Variants in SASS6 observed in about 807,000 individuals in gnomAD.
SASS6 encodes spindle assembly abnormal protein 6 homolog.
In SASS6, 59 loss-of-function variants were observed where a neutral mutation model predicts 94.9. That is an observed-to-expected ratio of 0.62 (90% confidence interval 0.50 to 0.77). The LOEUF (loss-of-function observed/expected upper bound fraction) is 0.77. Ranked by LOEUF, SASS6 falls within the 30% of genes least tolerant of loss-of-function variation. The probability of loss-of-function intolerance (pLI) is 0.00; values close to 1 mark genes in which losing one functional copy is unlikely to be tolerated. For missense variants in SASS6, 698 were observed against 734.1 expected (o/e 0.95, Z 0.57); for synonymous variants, 264 against 270.0 (o/e 0.98, Z 0.22).
At chr1:100,088,872 T>C (rs1040166709) in intron 14 of SASS6, among the ~76,000 whole-genome samples, 1 of 143,998 alleles carries the variant, frequency 6.9e-6, no homozygotes, top group Admixed American at 6.9e-5. Context: ...TTTAAAGAAA[T>C]ATAAAATCCA....
At chr1:100,099,769 A>G (rs1055492203) in intron 14 of SASS6, among the ~76,000 whole-genome samples, 1 of 152,078 alleles carries the variant, frequency 6.6e-6, no homozygotes, top group Non-Finnish European at 1.5e-5. Context: ...CCACTCCACT[A>G]CTATTTTGTA....
intron 14 of SASS6, among the ~76,000 whole-genome samples, 178 bp from the exon 15 acceptor site, chr1:100,088,414 C>G (rs1414935075): frequency 6.6e-6 from 1 of 152,140 alleles, no homozygotes; most frequent in African/African-American, 2.4e-5. Flanking sequence ...CCTCATCCTT[C>G]CAACTAGCTG....
chr1:100,121,012 T>C (rs1172663267), intron 5 of SASS6, among the ~76,000 whole-genome samples: 2 of 139,268 alleles, frequency 1.4e-5, no homozygotes, highest in Non-Finnish European at 3.0e-5. Context: ...ATCCCGCCAC[T>C]GCACTCCAGC....
In SASS6 at chr1:100,085,536, C is replaced by T. The variant is rs1453741175; in HGVS notation, c.1867G>A (p.Asp623Asn). Residue 623 changes from aspartate to asparagine, a missense_variant and splice_region_variant, in exon 16 of 17, where the codon GAC becomes AAC. Transcript: ENST00000287482. ...CAAAAATCCAGAAATCCCTGCTTAC[C>T]TGAATTACTAAATAGGTTCTGGCTG... ...GLSQNLFSNS[D>N]HQRDGTLGAL... The T allele has an allele frequency of 6.2e-7, 1 of 1,608,460 alleles. No individual in the cohort carries two copies. Among genetic ancestry groups the T allele is most frequent in the East Asian group, 2.2e-5 (1 of 44,830 alleles).
intron 5 of SASS6, 151 bp from the exon 6 acceptor site, chr1:100,120,610 C>A (rs1013423995): frequency 1.3e-5 from 7 of 556,504 alleles, no homozygotes; most frequent in Non-Finnish European, 2.2e-5. Context: ...TAACAAGATC[C>A]CCAGATAATT....
rs55863167 is a variant in SASS6, at chr1:100,132,883, G to A, written c.-69C>T. On this transcript the variant is annotated 5_prime_UTR_variant, in exon 1 of 17. Transcript: ENST00000287482. ...CCCGGCCCTCGGGATTAGCCTGAGA[G>A]GTCCGGGTCCTGATAAAGTTTGAGT... 3 of 1,405,294 alleles carry A rather than the reference G, an allele frequency of 2.1e-6. No homozygotes were observed. Among genetic ancestry groups the A allele is most frequent in the African/African-American group, 2.8e-5 (2 of 70,184 alleles). The allele number at this position is 1,405,294 out of a possible 1,614,324, so 87.1% of individuals were successfully genotyped here.
At chr1:100,130,689 G>GAA (rs369101016) in intron 1 of SASS6, among the ~76,000 whole-genome samples, 6,616 of 135,048 alleles carry the variant, frequency 0.049, 217 homozygotes, top group African/African-American at 0.071. Context: ...ACTCTGTCTA[G>GAA]AAAAAAAAAA....
chr1:100,107,290 G>A (rs894253305), intron 11 of SASS6, 84 bp downstream of exon 11: 4 of 806,046 alleles, frequency 5.0e-6, no homozygotes, highest in Non-Finnish European at 8.0e-6. Context: ...CAAGACCAAA[G>A]CCATTTGTTA....
At chr1:100,102,907 T>C (rs1283678807) in intron 14 of SASS6, 48 bp downstream of exon 14, 1 of 1,436,026 alleles carries the variant, frequency 7.0e-7, no homozygotes, top group African/African-American at 1.4e-5. Context: ...TGTATGCTAA[T>C]AGGTTGCTAT....
At chr1:100,128,992 A>G (rs745643146) in intron 1 of SASS6, among the ~76,000 whole-genome samples, 2 of 152,188 alleles carry the variant, frequency 1.3e-5, no homozygotes, top group Admixed American at 1.3e-4. Flanking sequence ...TAATCCCAGC[A>G]CTTTGGGAGG....
At chr1:100,120,321 G>A (rs1654083819) in intron 6 of SASS6, 73 bp downstream of exon 6, 2 of 727,482 alleles carry the variant, frequency 2.7e-6, no homozygotes, top group Non-Finnish European at 2.5e-6. Context: ...ATAAAAGCTT[G>A]GAACTGAGTC....
intron 1 of SASS6, among the ~76,000 whole-genome samples, chr1:100,131,663 T>C (rs1655041135): frequency 6.6e-6 from 1 of 152,206 alleles, no homozygotes; most frequent in Non-Finnish European, 1.5e-5. Flanking sequence ...GATCTCCATA[T>C]GCAGCTGCTG....
intron 1 of SASS6, among the ~76,000 whole-genome samples, chr1:100,130,649 A>T (rs1310765098): frequency 6.6e-6 from 1 of 150,966 alleles, no homozygotes; most frequent in Non-Finnish European, 1.5e-5. Context: ...TAATCGTGCT[A>T]CAATACTCCA....
At chr1:100,112,709 T>C (rs566414172) in intron 7 of SASS6, among the ~76,000 whole-genome samples, 3 of 152,214 alleles carry the variant, frequency 2.0e-5, no homozygotes, top group Non-Finnish European at 2.9e-5. Flanking sequence ...GATTTCTATA[T>C]AGTCACAAAA....
chr1:100,131,379 C>T (rs941899450), intron 1 of SASS6, among the ~76,000 whole-genome samples: 3 of 151,928 alleles, frequency 2.0e-5, no homozygotes, highest in East Asian at 1.9e-4. Flanking sequence ...CTAGAAGTCA[C>T]ATTTTAAAAA....
chr1:100,085,463 G>C (rs746914430), intron 16 of SASS6, 29 bp from the exon 17 acceptor site: 1 of 1,562,994 alleles, frequency 6.4e-7, no homozygotes, highest in Non-Finnish European at 8.8e-7. Context: ...AAAGGTTACT[G>C]GTATTCATTA....
intron 1 of SASS6, among the ~76,000 whole-genome samples, chr1:100,128,732 G>A (rs924229401): frequency 3.9e-5 from 6 of 152,094 alleles, no homozygotes; most frequent in South Asian, 2.1e-4. Context: ...AATAGATGTC[G>A]TACTCAATAG....
At chr1:100,111,526 A>C (rs957649775) in intron 7 of SASS6, among the ~76,000 whole-genome samples, 5 of 152,068 alleles carry the variant, frequency 3.3e-5, no homozygotes, top group African/African-American at 1.2e-4. Context: ...ACAGACATAC[A>C]TCTAAAATTC....
chr1:100,132,613 G>A (rs1655160997), intron 1 of SASS6, 137 bp downstream of exon 1: 1 of 769,168 alleles, frequency 1.3e-6, no homozygotes, highest in Admixed American at 2.0e-5. Context: ...CGGGCCCTCT[G>A]GGTTCCCTAT....
Sources: gnomAD v4.1 joint callset for allele counts (sites outside exome capture counted in the v4.1 genomes callset) on GRCh38, gnomAD v4.1.1 for gene constraint, MANE v1.5 for transcripts, NCBI Gene and HGNC (gene_info 2026-07-23, HGNC 2026-07-21) for gene names.